SYN3: variants seen among roughly 807,000 people sequenced by gnomAD.
The protein encoded by SYN3 is synapsin-3.
A neutral mutation model predicts 65.8 loss-of-function variants in SYN3; 35 were observed. The observed-to-expected ratio is 0.53, with a 90% CI of 0.41 to 0.70. The LOEUF (loss-of-function observed/expected upper bound fraction) is 0.70. Ranked by LOEUF, SYN3 falls within the 30% of genes least tolerant of loss-of-function variation. The probability of loss-of-function intolerance (pLI) is 0.00; values close to 1 mark genes in which losing one functional copy is unlikely to be tolerated. For missense variants in SYN3, 680 were observed against 749.0 expected (o/e 0.91, Z 1.08); for synonymous variants, 270 against 292.9 (o/e 0.92, Z 0.80).
intron 7 of SYN3, among the ~76,000 whole-genome samples, chr22:32,567,965 G>C (rs936825033): frequency 1.3e-5 from 2 of 152,204 alleles, no homozygotes; most frequent in South Asian, 2.1e-4. Context: ...TGTTTGGAGG[G>C]GGAAGCTTGC....
intron 6 of SYN3, among the ~76,000 whole-genome samples, chr22:32,772,193 A>T (rs1336229849): frequency 6.6e-6 from 1 of 151,972 alleles, no homozygotes; most frequent in East Asian, 1.9e-4. Context: ...GGGGGAGAAA[A>T]GCAGGACCAG....
intron 6 of SYN3, among the ~76,000 whole-genome samples, chr22:32,638,449 T>C (rs2059850127): frequency 2.0e-5 from 3 of 152,232 alleles, no homozygotes; most frequent in Admixed American, 1.3e-4. Flanking sequence ...ACATTCCCTT[T>C]TCTCTGCAGC....
intron 6 of SYN3, among the ~76,000 whole-genome samples, chr22:32,746,759 T>TGCCCAGG (rs2145627813): frequency 6.6e-6 from 1 of 152,330 alleles, no homozygotes; most frequent in Non-Finnish European, 1.5e-5. Context: ...CAGCCCCAGG[T>TGCCCAGG]GCCCAGGGCC....
At chr22:33,033,011 A>G (rs2053781766) in intron 1 of SYN3, among the ~76,000 whole-genome samples, 1 of 151,978 alleles carries the variant, frequency 6.6e-6, no homozygotes, top group African/African-American at 2.4e-5. Context: ...TGTGCTCAGA[A>G]TAAACTTTTT....
At chr22:32,572,565 CCTTCT>C (rs1007564169) in intron 7 of SYN3, among the ~76,000 whole-genome samples, 1 of 140,576 alleles carries the variant, frequency 7.1e-6, no homozygotes, top group Admixed American at 7.3e-5. Flanking sequence ...CTCTTTCCTT[CCTTCT>C]CTTCTCTTCT....
At position 32,924,194 on chromosome 22, in the gene SYN3, T is replaced by C. The variant is rs79959331; in HGVS notation, c.461+7196A>G. 8.2e-3 allele frequency among the ~76,000 whole-genome samples: 1,253 copies of C among 152,340 alleles called. 7 individuals are homozygous for C. The highest frequency in any genetic ancestry group is 0.03 in the East Asian group (158 of 5,186). On this transcript the variant is annotated intron_variant, in intron 4 of 13. Coordinates refer to ENST00000358763, the MANE Select transcript of SYN3 (RefSeq NM_003490.4). Reference sequence around the variant, plus strand: ...GTAGAATGATTTATATTTCTTTGGGTATATACTCGGTAATGGGATTGCTGG... The same window carrying C: ...GTAGAATGATTTATATTTCTTTGGGCATATACTCGGTAATGGGATTGCTGG...
chr22:32,954,460 A>G (rs2051385399), intron 3 of SYN3, among the ~76,000 whole-genome samples: 1 of 152,270 alleles, frequency 6.6e-6, no homozygotes, highest in African/African-American at 2.4e-5. Context: ...GATACAAAGA[A>G]AAGAACAGTG....
chr22:32,615,924 C>T (rs1236871253), intron 6 of SYN3, among the ~76,000 whole-genome samples: 1 of 152,178 alleles, frequency 6.6e-6, no homozygotes, highest in African/African-American at 2.4e-5. Flanking sequence ...GCGGAGTCTC[C>T]CTAACTTCTG....
intron 6 of SYN3, among the ~76,000 whole-genome samples, chr22:32,772,891 C>T (rs935155740): frequency 4.6e-5 from 7 of 152,220 alleles, no homozygotes; most frequent in East Asian, 1.9e-4. Context: ...TCCATAACTG[C>T]GAGACAAAAA....
intron 6 of SYN3, among the ~76,000 whole-genome samples, chr22:32,598,644 C>G (rs143439098): frequency 2.0e-3 from 299 of 152,212 alleles, no homozygotes; most frequent in Non-Finnish European, 3.4e-3. Flanking sequence ...TGCCACCATG[C>G]CTGGCTAATT....
At chr22:32,613,728 G>A (rs999442995) in intron 6 of SYN3, among the ~76,000 whole-genome samples, 6 of 152,050 alleles carry the variant, frequency 3.9e-5, no homozygotes, top group Admixed American at 6.6e-5. Flanking sequence ...TCATTATTAC[G>A]TATTGACTGA....
intron 3 of SYN3, among the ~76,000 whole-genome samples, chr22:32,959,509 C>T (rs1159115007): frequency 6.6e-6 from 1 of 151,798 alleles, no homozygotes; most frequent in Non-Finnish European, 1.5e-5. Flanking sequence ...CAAGATTGCG[C>T]CACTGTACTC....
At chr22:32,572,019 T>G (rs1310250047) in intron 7 of SYN3, among the ~76,000 whole-genome samples, 1 of 151,964 alleles carries the variant, frequency 6.6e-6, no homozygotes, top group Non-Finnish European at 1.5e-5. Flanking sequence ...AAGATGGGGC[T>G]GTGCTAGGCC....
chr22:32,814,337 AAG>A (rs130282), intron 6 of SYN3, among the ~76,000 whole-genome samples: 397 of 25,374 alleles, frequency 0.016, 1 homozygote, highest in Non-Finnish European at 0.019. Context: ...GAAAGAAAGA[AAG>A]AGAAAGAAAG....
intron 4 of SYN3, among the ~76,000 whole-genome samples, chr22:32,882,535 C>G (rs903998000): frequency 6.6e-6 from 1 of 152,182 alleles, no homozygotes; most frequent in African/African-American, 2.4e-5. Flanking sequence ...TTGATCCTGA[C>G]AGTTGCCCTT....
chr22:32,979,533 A>T (rs958093760), intron 3 of SYN3, among the ~76,000 whole-genome samples: 2 of 152,196 alleles, frequency 1.3e-5, no homozygotes, highest in Non-Finnish European at 2.9e-5. Context: ...GGAGAAGAAC[A>T]GTCATGCCCC....
At chr22:32,513,887 T>TG in intron 13 of SYN3, 63 bp from the exon 14 acceptor site, 1 of 1,601,138 alleles carries the variant, frequency 6.2e-7, no homozygotes, top group Non-Finnish European at 8.5e-7. Flanking sequence ...AAATGGGTCT[T>TG]GGGGGCTTGC....
intron 6 of SYN3, among the ~76,000 whole-genome samples, chr22:32,665,903 G>A (rs917706699): frequency 6.6e-6 from 1 of 152,084 alleles, no homozygotes; most frequent in African/African-American, 2.4e-5. Context: ...GTTCTAACAT[G>A]TCTAACTGCT....
Position 32,745,895 on chromosome 22 carries a change from G to A in SYN3, c.711+119020C>T, listed in dbSNP as rs192888932. 2.4e-3 allele frequency among the ~76,000 whole-genome samples: 370 copies of A among 152,322 alleles called. 1 individual carries two copies. Among genetic ancestry groups the A allele is most frequent in the Middle Eastern group, 0.024 (7 of 294 alleles). ...AAGAGAAGACGCTCCAGCCAGCGTG[G>A]TGCCGACCAGTCATTCCTGCTGCTT... On this transcript the variant is annotated intron_variant, in intron 6 of 13. Transcript: ENST00000358763.
Sources: allele counts gnomAD v4.1 joint callset (sites outside exome capture counted in the v4.1 genomes callset), GRCh38; gene constraint gnomAD v4.1.1; transcripts MANE v1.5; gene names NCBI Gene and HGNC (gene_info 2026-07-23, HGNC 2026-07-21).